Variants in NYAP2 observed in about 807,000 individuals in gnomAD.
NYAP2 encodes the protein neuronal tyrosine-phosphorylated phosphoinositide-3-kinase adapter 2.
A neutral mutation model predicts 50.4 loss-of-function variants in NYAP2; 23 were observed. The observed-to-expected ratio is 0.46, with a 90% CI of 0.33 to 0.65. The LOEUF (loss-of-function observed/expected upper bound fraction) is 0.65. Among genes scored for constraint, NYAP2 ranks in the 30% least tolerant of loss-of-function variants. The probability of loss-of-function intolerance (pLI) is 0.02; values close to 1 mark genes in which losing one functional copy is unlikely to be tolerated. For synonymous variants in NYAP2, 394 were observed against 365.2 expected, an observed-to-expected ratio of 1.08 and a Z score of -0.90; for missense variants, 885 against 861.0, an observed-to-expected ratio of 1.03 and a Z score of -0.35.
At chr2:225,519,656 T>A (rs1196552050) in intron 4 of NYAP2, among the ~76,000 whole-genome samples, 1 of 152,196 alleles carries the variant, frequency 6.6e-6, no homozygotes, top group Non-Finnish European at 1.5e-5. Flanking sequence ...CACATTTTCT[T>A]AATCCAGTCT....
the NYAP2 span, chr2:225,702,132 A>C: frequency 7.2e-5 from 11 of 151,752 alleles, no homozygotes; most frequent in African/African-American, 2.7e-4. Flanking sequence ...GATGAGAGGG[A>C]ATTCACACTT....
intron 4 of NYAP2, among the ~76,000 whole-genome samples, chr2:225,531,079 C>G (rs571009701): frequency 1.3e-5 from 2 of 152,304 alleles, no homozygotes; most frequent in Admixed American, 1.3e-4. Context: ...ATTATAGCAC[C>G]ATTCTGCTCA....
the NYAP2 span, among the ~76,000 whole-genome samples, chr2:225,677,398 T>C: frequency 5.3e-5 from 8 of 152,282 alleles, no homozygotes; most frequent in African/African-American, 1.9e-4. Flanking sequence ...GGATGTGTTT[T>C]ATTTATTGCT....
At chr2:225,483,201 C>G (rs570188157) in intron 3 of NYAP2, among the ~76,000 whole-genome samples, 4 of 152,068 alleles carry the variant, frequency 2.6e-5, no homozygotes, top group African/African-American at 7.2e-5. Context: ...TTAAGTGTTC[C>G]TTTCACAAAA....
At chr2:225,602,604 C>T (rs62188702) in intron 5 of NYAP2, among the ~76,000 whole-genome samples, 1 of 152,106 alleles carries the variant, frequency 6.6e-6, no homozygotes, top group Admixed American at 6.5e-5. Context: ...TTAGGTTTTA[C>T]ATTTAGGTCT....
At chr2:225,616,293 A>G (rs1036947613) in intron 5 of NYAP2, among the ~76,000 whole-genome samples, 1 of 152,236 alleles carries the variant, frequency 6.6e-6, no homozygotes, top group Non-Finnish European at 1.5e-5. Flanking sequence ...ATAACAGTTT[A>G]TACAAGAGAG....
chr2:225,447,921 T>C (rs942927653), intron 3 of NYAP2, among the ~76,000 whole-genome samples: 10 of 152,220 alleles, frequency 6.6e-5, no homozygotes, highest in African/African-American at 2.4e-4. Context: ...CTGTGAATTT[T>C]CTTGATGTTC....
the NYAP2 span, among the ~76,000 whole-genome samples, chr2:225,665,818 A>AAAAAAAAAC: frequency 7.1e-6 from 1 of 141,210 alleles, no homozygotes; most frequent in Non-Finnish European, 1.5e-5. Flanking sequence ...AAAAAAAAAA[A>AAAAAAAAAC]AAAAAAAAAA....
intron 3 of NYAP2, among the ~76,000 whole-genome samples, chr2:225,409,832 A>G (rs924308948): frequency 2.6e-5 from 4 of 152,122 alleles, no homozygotes; most frequent in Non-Finnish European, 4.4e-5. Flanking sequence ...TTCTGGTGGT[A>G]CAGAGAGAGA....
intron 3 of NYAP2, among the ~76,000 whole-genome samples, chr2:225,461,671 T>G (rs1689835718): frequency 6.6e-6 from 1 of 152,212 alleles, no homozygotes; most frequent in Non-Finnish European, 1.5e-5. Flanking sequence ...AAAATTCTTT[T>G]ATCTACAAAG....
intron 6 of NYAP2, among the ~76,000 whole-genome samples, chr2:225,636,485 T>TA (rs1379057607): frequency 2.9e-5 from 1 of 34,480 alleles, no homozygotes; most frequent in African/African-American, 7.3e-5. Flanking sequence ...TGTGCTTTCT[T>TA]TTTTTTTTTT....
rs768062699 is a variant in NYAP2, at chr2:225,582,629, C to T, written c.1212C>T (p.Ala404=). 1 of 1,596,106 alleles carries T rather than the reference C, an allele frequency of 6.3e-7. No individual in the cohort carries two copies. Among genetic ancestry groups the T allele is most frequent in the Middle Eastern group, 1.7e-4 (1 of 6,030 alleles). Residue 404 remains alanine, a synonymous_variant, in exon 5 of 7, where the codon GCC becomes GCT. Transcript: ENST00000636099. This position sits in a 1 kb window ranked among gnomAD's most constrained non-coding sequence, Gnocchi z 7.0. ...AGCAGGCCGCGGCCCTGGGACCTGC[C>T]TCTGCCACCCCTGCGCTCTCCTCGT...
chr2:225,643,555 T>A (rs1185493007), intron 6 of NYAP2, among the ~76,000 whole-genome samples: 1 of 151,990 alleles, frequency 6.6e-6, no homozygotes, highest in African/African-American at 2.4e-5. Flanking sequence ...TAACTTGTCA[T>A]CTAGCATTAG....
At chr2:225,568,965 G>A (rs944339820) in intron 4 of NYAP2, among the ~76,000 whole-genome samples, 8 of 152,206 alleles carry the variant, frequency 5.3e-5, no homozygotes, top group Non-Finnish European at 1.2e-4. Flanking sequence ...TTATTTTAAT[G>A]TGCATAGCAC....
chr2:225,500,426 T>G, intron 3 of NYAP2, among the ~76,000 whole-genome samples: 1 of 152,232 alleles, frequency 6.6e-6, no homozygotes, highest in Non-Finnish European at 1.5e-5. Flanking sequence ...ATGGCTAGGA[T>G]TTCTGGATCT....
chr2:225,688,448 G>A, the NYAP2 span, among the ~76,000 whole-genome samples: 1 of 152,192 alleles, frequency 6.6e-6, no homozygotes, highest in Non-Finnish European at 1.5e-5. Flanking sequence ...ATTTTACTGT[G>A]TTAAAAGCTA....
chr2:225,647,113 C>A (rs1361281636), intron 6 of NYAP2, among the ~76,000 whole-genome samples: 1 of 151,822 alleles, frequency 6.6e-6, no homozygotes, highest in Admixed American at 6.6e-5. Context: ...TGGAAAAAAT[C>A]TCTATAGTAA....
chr2:225,414,944 G>A (rs1311861858), intron 3 of NYAP2, among the ~76,000 whole-genome samples: 5 of 152,122 alleles, frequency 3.3e-5, no homozygotes, highest in Non-Finnish European at 7.4e-5. Context: ...GTCTTTCTGA[G>A]CATCATATCT....
chr2:225,631,879 A>T (rs988638459), intron 6 of NYAP2, among the ~76,000 whole-genome samples: 2 of 152,140 alleles, frequency 1.3e-5, no homozygotes, highest in Non-Finnish European at 2.9e-5. Flanking sequence ...GTACAATGGC[A>T]TGATCTCAGC....
Sources: allele counts gnomAD v4.1 joint callset (sites outside exome capture counted in the v4.1 genomes callset), GRCh38; gene constraint gnomAD v4.1.1; non-coding constraint Gnocchi (gnomAD v3.1); transcripts MANE v1.5; gene names NCBI Gene and HGNC (gene_info 2026-07-23, HGNC 2026-07-21).